UNC13B: variants seen among roughly 807,000 people sequenced by gnomAD.
UNC13B encodes protein unc-13 homolog B.
In UNC13B, 144 loss-of-function variants were observed where a neutral mutation model predicts 211.0. The observed-to-expected ratio is 0.68, with a 90% CI of 0.60 to 0.78. The LOEUF is 0.78. Ranked by LOEUF, UNC13B falls within the 30% of genes least tolerant of loss-of-function variation. UNC13B has a pLI of 0.00. For synonymous variants in UNC13B, 709 were observed against 725.8 expected (o/e 0.98, Z 0.37); for missense variants, 1,777 against 2,002.0 (o/e 0.89, Z 2.14).
At chr9:35,395,041 C>T (rs964621302) in intron 26 of UNC13B, among the ~76,000 whole-genome samples, 1 of 151,988 alleles carries the variant, frequency 6.6e-6, no homozygotes, top group East Asian at 1.9e-4. Context: ...GGAGGGCCCT[C>T]CTGATGTTTC....
rs186028846 is a variant in UNC13B at position 35,389,920 on chromosome 9, C to T, written c.11169C>T (p.Leu3723=). ...ATTTCTGGCCCAAGCTCATCACACT[C>T]ATCGTGTCAATCATAGAGGAAGATA... ...NLDFWPKLIT[L]IVSIIEEDKN... is the part of the protein sequence containing the mutation. The change falls in exon 25 of 40, where the codon CTC becomes CTT. Residue 3723 remains leucine (L), a synonymous_variant. Coordinates refer to ENST00000635942, the MANE Select transcript of UNC13B (RefSeq NM_001371189.2). 11 of 1,614,160 alleles carry T rather than the reference C, an allele frequency of 6.8e-6. No homozygotes were observed. The African/African-American group carries it at 1.3e-4, about 20-fold the overall frequency.
intron 22 of UNC13B, chr9:35,384,841 A>G: frequency 1.3e-6 from 1 of 758,534 alleles, no homozygotes; most frequent in Non-Finnish European, 1.6e-6. Flanking sequence ...GGATAAGGAA[A>G]TGGGCAGTTT....
At chr9:35,250,261 C>T (rs1211369131) in intron 6 of UNC13B, among the ~76,000 whole-genome samples, 2 of 152,142 alleles carry the variant, frequency 1.3e-5, no homozygotes, top group African/African-American at 2.4e-5. Context: ...CCATGGATAT[C>T]ACCACAATTT....
intron 11 of UNC13B, 63 bp downstream of exon 11, chr9:35,314,052 T>C: frequency 7.6e-7 from 1 of 1,313,772 alleles, no homozygotes; most frequent in Non-Finnish European, 1.1e-6. Flanking sequence ...AGACATATGG[T>C]GCTGGAGAAG....
rs949764350 is a variant in UNC13B, at chr9:35,204,332, G to A, written c.23-23683G>A. On this transcript the variant is annotated intron_variant, in intron 1 of 39. Coordinates refer to ENST00000635942, the MANE Select transcript of UNC13B (RefSeq NM_001371189.2). ...CTAGTGCAGTGCAGAGGGGAAATGTGGGGTGGGAGCCCCCCCACAGAGTCC... is the reference window on the plus strand; with the variant it reads ...CTAGTGCAGTGCAGAGGGGAAATGTAGGGTGGGAGCCCCCCCACAGAGTCC... Among the ~76,000 whole-genome samples, 4 of 152,196 alleles carry A rather than the reference G, an allele frequency of 2.6e-5. No individual in the cohort carries two copies. In the South Asian group the frequency reaches 8.3e-4, roughly 31 times the overall value.
chr9:35,167,273 C>T (rs934950706), intron 1 of UNC13B, among the ~76,000 whole-genome samples: 1 of 151,872 alleles, frequency 6.6e-6, no homozygotes, highest in Non-Finnish European at 1.5e-5. Flanking sequence ...CAGGGTTTCA[C>T]CTTGTTAGCC....
At position 35,378,480 on chromosome 9, in the gene UNC13B, G is replaced by A. The variant is rs774878386; in HGVS notation, c.10205+44G>A. 3 of 1,611,156 alleles carry A rather than the reference G, an allele frequency of 1.9e-6. No individual in the cohort carries two copies. The Admixed American group carries it at 5.0e-5, about 27-fold the overall frequency. On this transcript the variant is annotated intron_variant, in intron 17 of 39. Coordinates refer to ENST00000635942, the MANE Select transcript of UNC13B (RefSeq NM_001371189.2). ...TGTCTTACCTGGGACTGTGTGTATT[G>A]GGGGAGCAGGATCACATCCTGCCAT...
intron 1 of UNC13B, among the ~76,000 whole-genome samples, chr9:35,209,244 A>G (rs958907910): frequency 1.3e-5 from 2 of 152,008 alleles, no homozygotes; most frequent in Non-Finnish European, 2.9e-5. Context: ...TTGTATTTTT[A>G]GTAGAGATGG....
chr9:35,180,552 A>G (rs1397005477), intron 1 of UNC13B, among the ~76,000 whole-genome samples: 1 of 152,062 alleles, frequency 6.6e-6, no homozygotes, highest in African/African-American at 2.4e-5. Flanking sequence ...TGAATTTGGT[A>G]TCAGTACTGC....
intron 1 of UNC13B, among the ~76,000 whole-genome samples, chr9:35,167,206 TG>T (rs1490398609): frequency 6.6e-6 from 1 of 152,044 alleles, no homozygotes; most frequent in Non-Finnish European, 1.5e-5. Context: ...CCCAAGTAGC[TG>T]GGATTACAGG....
At chr9:35,198,609 T>A (rs1564061925) in intron 1 of UNC13B, among the ~76,000 whole-genome samples, 1 of 152,112 alleles carries the variant, frequency 6.6e-6, no homozygotes, top group Non-Finnish European at 1.5e-5. Flanking sequence ...AACTGGGTAA[T>A]GGGCAGAGGT....
chr9:35,311,612 C>G (rs1194529506), intron 10 of UNC13B, among the ~76,000 whole-genome samples: 1 of 152,212 alleles, frequency 6.6e-6, no homozygotes, highest in African/African-American at 2.4e-5. Flanking sequence ...GATCAGAAAT[C>G]AGCCTGAAAA....
At chr9:35,299,629 G>A (rs1053705628) in intron 8 of UNC13B, among the ~76,000 whole-genome samples, 1 of 152,068 alleles carries the variant, frequency 6.6e-6, no homozygotes, top group African/African-American at 2.4e-5. Flanking sequence ...TATTATAGCT[G>A]TTCTTTTTCT....
At chr9:35,222,992 A>G (rs1266844653) in intron 1 of UNC13B, among the ~76,000 whole-genome samples, 1 of 152,192 alleles carries the variant, frequency 6.6e-6, no homozygotes, top group Admixed American at 6.5e-5. Flanking sequence ...ACATGATGCT[A>G]TCCAGTTCCA....
rs770750153 is a variant in UNC13B at position 35,366,969 on chromosome 9, C to T, written c.9437C>T (p.Ser3146Phe). 1 of 1,613,890 alleles carries T rather than the reference C, an allele frequency of 6.2e-7. No individual in the cohort carries two copies. Among genetic ancestry groups the T allele is most frequent in the East Asian group, 2.2e-5 (1 of 44,900 alleles). ...AAGATTCCAGATGATGGTGACCCCT[C>T]TCTGCCTCAGTGGCTCCCGGAAGGG... ...LQEIPDDGDP[S>F]LPQWLPEGPA... Residue 3146 changes from serine (S) to phenylalanine (F), a missense_variant, in exon 12 of 40, where the codon TCT becomes TTT. By Grantham distance (155) the Ser-to-Phe change is radical. Coordinates refer to ENST00000635942, the MANE Select transcript of UNC13B (RefSeq NM_001371189.2).
chr9:35,334,269 A>C (rs926276202), intron 11 of UNC13B, among the ~76,000 whole-genome samples: 1 of 152,126 alleles, frequency 6.6e-6, no homozygotes, highest in Non-Finnish European at 1.5e-5. Flanking sequence ...CCTAGCCCTG[A>C]TATTCATTTT....
At chr9:35,393,075 C>G (rs145278144) in intron 26 of UNC13B, among the ~76,000 whole-genome samples, 1 of 152,250 alleles carries the variant, frequency 6.6e-6, no homozygotes, top group East Asian at 1.9e-4. Context: ...TTTCTCTGTG[C>G]CTGGCTCTGT....
chr9:35,309,183 C>A (rs1015793808), intron 9 of UNC13B, among the ~76,000 whole-genome samples: 2 of 151,472 alleles, frequency 1.3e-5, no homozygotes, highest in Non-Finnish European at 2.9e-5. Context: ...GCTACCTTGA[C>A]CTCTGGCCCA....
rs752904612 is a variant in UNC13B, at chr9:35,313,954, C to T, written c.9379C>T (p.Arg3127Ter). 19 of 1,613,736 alleles carry T rather than the reference C, an allele frequency of 1.2e-5. No homozygotes were observed. The highest frequency in any genetic ancestry group is 4.5e-5 in the East Asian group (2 of 44,882). The change falls in exon 11 of 40, where the codon CGA becomes TGA. Residue 3127 changes from arginine (R) to a stop codon, truncating the protein, a stop_gained. Transcript: ENST00000635942. LOFTEE classifies it high-confidence loss of function. ...PFTQARAHWIRAVTKVRLQLQ... is the reference protein window; with the variant it reads ...PFTQARAHWI ...TACCCAAGCCAGAGCACATTGGATC[C>T]GAGCAGTTACCAAGGTTCGACTCCA...
Sources: gnomAD v4.1 joint callset for allele counts (sites outside exome capture counted in the v4.1 genomes callset) on GRCh38, gnomAD v4.1.1 for gene constraint, MANE v1.5 for transcripts, NCBI Gene and HGNC (gene_info 2026-07-23, HGNC 2026-07-21) for gene names.